PTGFRN: variants seen among roughly 807,000 people sequenced by gnomAD.
PTGFRN encodes prostaglandin F2 receptor negative regulator.
PTGFRN carries 35 observed loss-of-function variants against 83.2 expected under a neutral mutation model. The observed-to-expected ratio is 0.42, with a 90% CI of 0.32 to 0.56. The LOEUF (loss-of-function observed/expected upper bound fraction) is 0.56, where lower values mean the gene tolerates loss of function less well. Among genes scored for constraint, PTGFRN ranks in the 20% least tolerant of loss-of-function variants. PTGFRN has a pLI of 0.11. For missense variants in PTGFRN, 1,051 were observed against 1,179.5 expected (o/e 0.89, Z 1.60); for synonymous variants, 519 against 498.6 (o/e 1.04, Z -0.55).
At chr1:116,984,537 G>A in intron 7 of PTGFRN, 143 bp from the exon 8 acceptor site, 1 of 712,488 alleles carries the variant, frequency 1.4e-6, no homozygotes, top group Non-Finnish European at 2.3e-6. Context: ...TTCATCATAG[G>A]GCTGTTGTGA....
At chr1:116,917,306 T>C (rs1649429246) in intron 1 of PTGFRN, among the ~76,000 whole-genome samples, 2 of 144,630 alleles carry the variant, frequency 1.4e-5, no homozygotes, top group African/African-American at 5.7e-5. Flanking sequence ...CCAGATCAAC[T>C]TAAACAGGAT....
chr1:116,959,111 C>A (rs1308025699), intron 4 of PTGFRN, among the ~76,000 whole-genome samples: 2 of 152,176 alleles, frequency 1.3e-5, no homozygotes, highest in Non-Finnish European at 2.9e-5. Context: ...TTTGAGCATT[C>A]CTTATCTTTT....
At chr1:116,942,997 A>G (rs1027909303) in intron 2 of PTGFRN, among the ~76,000 whole-genome samples, 1 of 152,210 alleles carries the variant, frequency 6.6e-6, no homozygotes, top group Non-Finnish European at 1.5e-5. Context: ...AAACATTATA[A>G]TTGTTGTTAT....
intron 3 of PTGFRN, among the ~76,000 whole-genome samples, chr1:116,945,701 G>T (rs926046510): frequency 1.3e-5 from 2 of 151,522 alleles, no homozygotes; most frequent in Non-Finnish European, 2.9e-5. Context: ...TCCAGTCCTG[G>T]GGTCTGTACA....
intron 5 of PTGFRN, among the ~76,000 whole-genome samples, chr1:116,966,109 T>C (rs1312377706): frequency 5.3e-5 from 8 of 152,278 alleles, no homozygotes; most frequent in Non-Finnish European, 1.2e-4. Context: ...AATTCATTTA[T>C]TCATCCACTC....
chr1:116,923,299 A>C lies in PTGFRN; in HGVS notation c.49+13047A>C, dbSNP rs1015524368. On this transcript the variant is annotated intron_variant, in intron 1 of 8. Coordinates refer to ENST00000393203, the MANE Select transcript of PTGFRN (RefSeq NM_020440.4). This position sits in a 1 kb window ranked among gnomAD's most constrained non-coding sequence, Gnocchi z 4.0. ...GTTATAACAGGGGCAGAAGATATCT[A>C]TGTGTCCTTTTTACTATCTTTCTTA... Among the ~76,000 whole-genome samples the C allele has an allele frequency of 6.6e-6, 1 of 152,144 alleles. No homozygotes were observed. Among genetic ancestry groups the C allele is most frequent in the African/African-American group, 2.4e-5 (1 of 41,402 alleles).
In PTGFRN at chr1:116,926,956, A is replaced by T. The variant is rs568530933; in HGVS notation, c.50-14759A>T. 7.9e-5 allele frequency among the ~76,000 whole-genome samples: 12 copies of T among 152,302 alleles called. No homozygotes were observed. The South Asian group carries it at 1.0e-3, about 13-fold the overall frequency. On this transcript the variant is annotated intron_variant, in intron 1 of 8. Transcript: ENST00000393203. ...TGGACAAGTTGAAGCGTGAAGAGGA[A>T]TCTGGAAACCAGGCAGAGTGGGCTG...
chr1:116,949,070 C>A, intron 3 of PTGFRN, 122 bp from the exon 4 acceptor site: 2 of 1,245,682 alleles, frequency 1.6e-6, no homozygotes, highest in African/African-American at 1.5e-5. Context: ...TACAACTGTA[C>A]AAAGCCTTCT....
At position 116,981,107 on chromosome 1, in the gene PTGFRN, T is replaced by C. The variant is rs113874438; in HGVS notation, c.2168-3573T>C. ...TAAGAGTTGTGGGACCCATCAGTCTTACTCCTTTTCTGCTTAGCCTCATTT... is the reference window on the plus strand; with the variant it reads ...TAAGAGTTGTGGGACCCATCAGTCTCACTCCTTTTCTGCTTAGCCTCATTT... On this transcript the variant is annotated intron_variant, in intron 7 of 8. Transcript: ENST00000393203. Among the ~76,000 whole-genome samples the C allele has an allele frequency of 5.3e-3, 810 of 152,320 alleles. 11 individuals are homozygous for C. The highest frequency in any genetic ancestry group is 0.019 in the African/African-American group (779 of 41,558).
chr1:116,926,713 T>G (rs1649668795), intron 1 of PTGFRN, among the ~76,000 whole-genome samples: 2 of 152,222 alleles, frequency 1.3e-5, no homozygotes, highest in East Asian at 3.8e-4. Context: ...TGCCAGTTAC[T>G]GAGTCTTTAA....
chr1:116,974,132 T>C (rs1313719739), intron 6 of PTGFRN, 84 bp from the exon 7 acceptor site: 1 of 1,060,924 alleles, frequency 9.4e-7, no homozygotes, highest in East Asian at 2.4e-5. Flanking sequence ...GAGAACCACA[T>C]TTTGATGCCC....
At chr1:116,921,688 T>A (rs1334022007) in intron 1 of PTGFRN, among the ~76,000 whole-genome samples, 1 of 152,150 alleles carries the variant, frequency 6.6e-6, no homozygotes, top group South Asian at 2.1e-4. Context: ...GTTTCTGACA[T>A]TGTGCAAGAT....
intron 1 of PTGFRN, among the ~76,000 whole-genome samples, chr1:116,940,442 C>T (rs1407878727): frequency 6.6e-6 from 1 of 152,302 alleles, no homozygotes; most frequent in East Asian, 1.9e-4. Context: ...ATTAGGGGCT[C>T]ACCCTATTCC....
At chr1:116,985,673 A>T (rs1570683719) in intron 8 of PTGFRN, among the ~76,000 whole-genome samples, 1 of 149,996 alleles carries the variant, frequency 6.7e-6, no homozygotes, top group African/African-American at 2.5e-5. Context: ...GCACCATTGC[A>T]CTCCAGCCCA....
chr1:116,987,662 C>G lies in PTGFRN; in HGVS notation c.*695C>G, dbSNP rs1651546006. On this transcript the variant is annotated 3_prime_UTR_variant, in exon 9 of 9. Coordinates refer to ENST00000393203, the MANE Select transcript of PTGFRN (RefSeq NM_020440.4). ...AGCACTGAAATGGCAGCCCTGGAATCTACAATTTGGCTCTCCACTGAGCAC... is the reference window on the plus strand; with the variant it reads ...AGCACTGAAATGGCAGCCCTGGAATGTACAATTTGGCTCTCCACTGAGCAC... The G allele has an allele frequency of 6.7e-6, 1 of 148,702 alleles. No homozygotes were observed. The highest frequency in any genetic ancestry group is 2.5e-5 in the African/African-American group (1 of 39,982). The allele number at this position is 148,702 out of a possible 1,614,324, so 9.2% of individuals were successfully genotyped here. A position where few individuals can be genotyped will look rare whatever the true frequency, so the allele number is the denominator to read the frequency against.
At chr1:116,971,898 T>G (rs1008751267) in intron 6 of PTGFRN, among the ~76,000 whole-genome samples, 8 of 152,250 alleles carry the variant, frequency 5.3e-5, no homozygotes, top group Non-Finnish European at 1.2e-4. Context: ...CTTAATGTTT[T>G]GTCATTTTAT....
intron 4 of PTGFRN, among the ~76,000 whole-genome samples, chr1:116,954,796 TTTTG>T (rs1650442620): frequency 6.6e-6 from 1 of 152,216 alleles, no homozygotes; most frequent in South Asian, 2.1e-4. Flanking sequence ...AACTTTTGCT[TTTTG>T]TTTGTTTTTC....
chr1:116,960,568 AC>A (rs1241447813), intron 4 of PTGFRN, among the ~76,000 whole-genome samples: 1 of 152,174 alleles, frequency 6.6e-6, no homozygotes, highest in African/African-American at 2.4e-5. Flanking sequence ...ATTCACAGTG[AC>A]ACAGGTGAGT....
intron 7 of PTGFRN, among the ~76,000 whole-genome samples, chr1:116,977,403 A>G (rs537658554): frequency 8.5e-5 from 13 of 152,314 alleles, no homozygotes; most frequent in African/African-American, 3.1e-4. Context: ...CTCCACCCCA[A>G]ATCAACAGAA....
Sources: allele counts gnomAD v4.1 joint callset (sites outside exome capture counted in the v4.1 genomes callset), GRCh38; gene constraint gnomAD v4.1.1; non-coding constraint Gnocchi (gnomAD v3.1); transcripts MANE v1.5; gene names NCBI Gene and HGNC (gene_info 2026-07-23, HGNC 2026-07-21).